OTULINL: variants seen among roughly 807,000 people sequenced by gnomAD.
The protein encoded by OTULINL is OTU deubiquitinase with linear linkage specificity like, also known as inactive ubiquitin thioesterase OTULINL.
Under a neutral mutation model 43.9 loss-of-function variants are expected in OTULINL, and 42 were observed. The observed-to-expected ratio is 0.96, with a 90% CI of 0.75 to 1.24. The LOEUF (loss-of-function observed/expected upper bound fraction) is 1.24, where lower values mean the gene tolerates loss of function less well. Among genes scored for constraint, OTULINL ranks in the 50% most tolerant of loss-of-function variants. The pLI is 0.00. For synonymous variants in OTULINL, 172 were observed against 153.6 expected (o/e 1.12, Z -0.88); for missense variants, 411 against 426.4 (o/e 0.96, Z 0.32).
intron 1 of OTULINL, among the ~76,000 whole-genome samples, chr5:14,599,968 A>G (rs1050708314): frequency 6.6e-6 from 1 of 152,244 alleles, no homozygotes; most frequent in African/African-American, 2.4e-5. Context: ...CTGTGCTGCT[A>G]AAGTGATGCC....
intron 1 of OTULINL, among the ~76,000 whole-genome samples, chr5:14,584,278 C>G (rs755312024): frequency 1.3e-5 from 2 of 152,188 alleles, no homozygotes; most frequent in Admixed American, 6.5e-5. Context: ...CACTGTCCAT[C>G]TGTTCAGTGG....
Position 14,610,289 on chromosome 5 carries a change from G to A in OTULINL, c.1046G>A (p.Arg349His). The A allele has an allele frequency of 3.1e-6, 5 of 1,613,068 alleles. No individual in the cohort carries two copies. The highest frequency in any genetic ancestry group is 1.7e-5 in the Admixed American group (1 of 60,018). The change falls in exon 8 of 8, where the codon CGC becomes CAC. Residue 349 changes from arginine to histidine, a missense_variant. Arg to His is a conservative substitution (Grantham distance 29). Transcript: ENST00000274217. ...ATCTCCCTGCTGACCGAGAACGACCGCCACTACCACATTCCAGTCTTTTAA... is the reference window on the plus strand; with the variant it reads ...ATCTCCCTGCTGACCGAGAACGACCACCACTACCACATTCCAGTCTTTTAA... ...PEISLLTEND[R>H]HYHIPVF
intron 1 of OTULINL, among the ~76,000 whole-genome samples, chr5:14,590,893 C>G (rs967057567): frequency 6.6e-6 from 1 of 152,068 alleles, no homozygotes; most frequent in African/African-American, 2.4e-5. Context: ...ATGAGAAAAG[C>G]CATGGAAAGA....
chr5:14,614,296 C>G lies in OTULINL; in HGVS notation c.*3982C>G, dbSNP rs915369490. 1.3e-5 allele frequency among the ~76,000 whole-genome samples: 2 copies of G among 152,132 alleles called. No individual in the cohort carries two copies. Among genetic ancestry groups the G allele is most frequent in the African/African-American group, 2.4e-5 (1 of 41,422 alleles). On this transcript the variant is annotated 3_prime_UTR_variant, in exon 8 of 8. Transcript: ENST00000274217. ...GAACATTATTTAATTAACTTATTGACTATATATGGGTATACTTTTCTCTAT... is the reference window on the plus strand; with the variant it reads ...GAACATTATTTAATTAACTTATTGAGTATATATGGGTATACTTTTCTCTAT...
intron 1 of OTULINL, among the ~76,000 whole-genome samples, chr5:14,595,739 A>T (rs1005504432): frequency 1.4e-4 from 18 of 129,702 alleles, no homozygotes; most frequent in African/African-American, 5.3e-4. Flanking sequence ...TTAGTTTCTG[A>T]TATTCACTTT....
At chr5:14,584,682 C>T (rs937729607) in intron 1 of OTULINL, among the ~76,000 whole-genome samples, 2 of 152,152 alleles carry the variant, frequency 1.3e-5, no homozygotes, top group East Asian at 3.8e-4. Context: ...TATGAAGTAG[C>T]TGTTATTTTT....
chr5:14,609,165 AAG>A (rs1376336224), intron 7 of OTULINL, 148 bp downstream of exon 7: 3 of 812,686 alleles, frequency 3.7e-6, no homozygotes, highest in Non-Finnish European at 5.9e-6. Flanking sequence ...AAATGAGGAA[AAG>A]AAGACTAATA....
rs140131132 is a variant in OTULINL, at chr5:14,604,969, C to T, written c.499-2361C>T. On this transcript the variant is annotated intron_variant, in intron 5 of 7. Transcript: ENST00000274217. ...CATTCTGGGGTCTGGGGAACGGTGGCCCTCTTCTCACAGCTCCACTAGGCA... is the reference window on the plus strand; with the variant it reads ...CATTCTGGGGTCTGGGGAACGGTGGTCCTCTTCTCACAGCTCCACTAGGCA... Among the ~76,000 whole-genome samples, 593 of 152,270 alleles carry T rather than the reference C, an allele frequency of 3.9e-3. 6 individuals carry two copies. Among genetic ancestry groups the T allele is most frequent in the African/African-American group, 0.014 (562 of 41,554 alleles).
intron 1 of OTULINL, among the ~76,000 whole-genome samples, chr5:14,598,665 C>T (rs992580418): frequency 1.3e-5 from 2 of 152,148 alleles, no homozygotes; most frequent in Admixed American, 1.3e-4. Context: ...GAGCTGTGAT[C>T]ATGCCACTGT....
intron 1 of OTULINL, among the ~76,000 whole-genome samples, chr5:14,597,077 C>T (rs1466688590): frequency 2.0e-5 from 3 of 152,126 alleles, no homozygotes; most frequent in African/African-American, 7.2e-5. Flanking sequence ...ACTTACTGGC[C>T]GAGTCCCATT....
At chr5:14,586,077 A>T (rs530672703) in intron 1 of OTULINL, among the ~76,000 whole-genome samples, 1 of 152,308 alleles carries the variant, frequency 6.6e-6, no homozygotes, top group Admixed American at 6.5e-5. Flanking sequence ...TCTCTACTTA[A>T]TTTTTAGAGG....
At position 14,614,370 on chromosome 5, in the gene OTULINL, A is replaced by C. The variant is rs1459047870; in HGVS notation, c.*4056A>C. Reference sequence around the variant, plus strand: ...TAATTATTTAATTGACAAATTAGCTATTCATTTTCCTTCAAATCCTGTTTT... The same window carrying C: ...TAATTATTTAATTGACAAATTAGCTCTTCATTTTCCTTCAAATCCTGTTTT... On this transcript the variant is annotated 3_prime_UTR_variant, in exon 8 of 8. Transcript: ENST00000274217. Among the ~76,000 whole-genome samples the C allele has an allele frequency of 6.6e-6, 1 of 152,138 alleles. No individual in the cohort carries two copies. The highest frequency in any genetic ancestry group is 2.4e-5 in the African/African-American group (1 of 41,408).
chr5:14,583,012 C>T (rs979369125), intron 1 of OTULINL, among the ~76,000 whole-genome samples: 1 of 152,020 alleles, frequency 6.6e-6, no homozygotes, highest in Non-Finnish European at 1.5e-5. Flanking sequence ...TTGTCTGGAG[C>T]CCACTAGTGG....
chr5:14,583,664 G>A (rs1759056777), intron 1 of OTULINL, among the ~76,000 whole-genome samples: 1 of 152,208 alleles, frequency 6.6e-6, no homozygotes, highest in African/African-American at 2.4e-5. Flanking sequence ...GAGGAAGAAT[G>A]TGATTCAAGG....
intron 5 of OTULINL, among the ~76,000 whole-genome samples, chr5:14,606,451 C>T (rs1293535832): frequency 6.6e-6 from 1 of 152,098 alleles, no homozygotes; most frequent in Admixed American, 6.5e-5. Flanking sequence ...ACAGAGATTC[C>T]CAGGCTCAGC....
At position 14,610,231 on chromosome 5, in the gene OTULINL, T is replaced by C. The variant is rs1345146980; in HGVS notation, c.988T>C (p.Tyr330His). 6.2e-7 allele frequency: 1 copy of C among 1,613,994 alleles called. No homozygotes were observed. Among genetic ancestry groups the C allele is most frequent in the Non-Finnish European group, 8.5e-7 (1 of 1,179,888 alleles). ...KFNSRDFEVC[Y>H]PEEPLRDWPE... The stretch of plus-strand genomic sequence containing the variant: ...TAACTCCAGAGACTTTGAAGTCTGC[T>C]ACCCAGAGGAGCCTCTCAGGGACTG... The change falls in exon 8 of 8, where the codon TAC becomes CAC. Residue 330 changes from tyrosine (Y) to histidine (H), a missense_variant. Transcript: ENST00000274217.
chr5:14,608,434 A>G (rs968367170), intron 6 of OTULINL, among the ~76,000 whole-genome samples: 1 of 152,176 alleles, frequency 6.6e-6, no homozygotes, highest in Non-Finnish European at 1.5e-5. Flanking sequence ...GCCTCTTCTT[A>G]TAAGAGTAGC....
intron 1 of OTULINL, among the ~76,000 whole-genome samples, chr5:14,585,978 G>A (rs913088685): frequency 6.6e-6 from 1 of 152,192 alleles, no homozygotes; most frequent in Non-Finnish European, 1.5e-5. Context: ...TTGCAGGTCT[G>A]GGTACAGGAG....
At position 14,607,344 on chromosome 5, in the gene OTULINL, G is replaced by A; in HGVS notation, c.513G>A (p.Leu171=). 1 of 1,612,752 alleles carries A rather than the reference G, an allele frequency of 6.2e-7. No individual in the cohort carries two copies. Among genetic ancestry groups the A allele is most frequent in the South Asian group, 1.1e-5 (1 of 90,578 alleles). Residue 171 remains leucine (L), a synonymous_variant, in exon 6 of 8, where the codon CTG becomes CTA. Transcript: ENST00000274217. ...TCCTTTTCAAGCTTCCTGAAAAACT[G>A]CTGTTTTCACAAGGTTGTAATTGGA... ...EKDIVKLPEK[L]LFSQGCNWIQ...
Sources: allele counts gnomAD v4.1 joint callset (sites outside exome capture counted in the v4.1 genomes callset), GRCh38; gene constraint gnomAD v4.1.1; transcripts MANE v1.5; gene names NCBI Gene and HGNC (gene_info 2026-07-23, HGNC 2026-07-21).